IL1RAPL2: variants seen among roughly 807,000 people sequenced by gnomAD.
IL1RAPL2 encodes X-linked interleukin-1 receptor accessory protein-like 2.
IL1RAPL2 carries 3 observed loss-of-function variants against 44.1 expected under a neutral mutation model. That is an observed-to-expected ratio of 0.07 (90% CI 0.03 to 0.18). The LOEUF (loss-of-function observed/expected upper bound fraction) is 0.18. Among genes scored for constraint, IL1RAPL2 ranks in the 10% least tolerant of loss-of-function variants. The pLI is 1.00. For missense variants in IL1RAPL2, 391 were observed against 496.4 expected, an observed-to-expected ratio of 0.79 and a Z score of 2.02; for synonymous variants, 181 against 178.8, an observed-to-expected ratio of 1.01 and a Z score of -0.10.
intron 2 of IL1RAPL2, among the ~76,000 whole-genome samples, chrX:104,894,229 T>C (rs1386022429): frequency 8.9e-6 from 1 of 111,815 alleles, no homozygotes; most frequent in African/African-American, 3.3e-5. Context: ...TTTTCCTTCA[T>C]TTCAACTTTG....
At chrX:105,466,742 G>A (rs2036133002) in intron 5 of IL1RAPL2, among the ~76,000 whole-genome samples, 1 of 111,605 alleles carries the variant, frequency 9.0e-6, no homozygotes. Context: ...TGGTACCTTA[G>A]TCCATTTTCT....
intron 4 of IL1RAPL2, among the ~76,000 whole-genome samples, chrX:105,250,185 G>C (rs976443125): frequency 8.1e-5 from 9 of 111,094 alleles, no homozygotes; most frequent in Non-Finnish European, 1.7e-4. Flanking sequence ...AAGATCAGTG[G>C]TTGCCAAGGT....
rs183323624 is a variant in IL1RAPL2, at chrX:105,188,414, C to T, written c.83-7061C>T. Among the ~76,000 whole-genome samples, 3 of 111,690 alleles carry T rather than the reference C, an allele frequency of 2.7e-5. No individual in the cohort carries two copies. In the East Asian group the frequency reaches 8.5e-4, roughly 32 times the overall value. ...GGCTAGTGTCTAATTCCCAAGGAGA[C>T]TCATCAGGCCTCAGGAAATCAGAAG... On this transcript the variant is annotated intron_variant, in intron 2 of 10. Transcript: ENST00000372582.
At chrX:104,719,074 G>A (rs1180539870) in intron 2 of IL1RAPL2, among the ~76,000 whole-genome samples, 1 of 112,304 alleles carries the variant, frequency 8.9e-6, no homozygotes, top group African/African-American at 3.2e-5. Context: ...CAAAAGGTGA[G>A]CAAGAGCAGA....
intron 2 of IL1RAPL2, among the ~76,000 whole-genome samples, chrX:105,000,628 T>G (rs1302146074): frequency 8.9e-6 from 1 of 111,865 alleles, no homozygotes; most frequent in Non-Finnish European, 1.9e-5. Flanking sequence ...ATAATTGCAT[T>G]GACTAAAGTA....
At chrX:105,705,349 G>T (rs899425601) in intron 6 of IL1RAPL2, among the ~76,000 whole-genome samples, 18 of 111,501 alleles carry the variant, frequency 1.6e-4, no homozygotes, top group African/African-American at 5.9e-4. Flanking sequence ...GGAATTTGTT[G>T]TACAGTTTGT....
chrX:105,049,839 T>G (rs1402597866), intron 2 of IL1RAPL2, among the ~76,000 whole-genome samples: 3 of 111,156 alleles, frequency 2.7e-5, no homozygotes, highest in African/African-American at 9.8e-5. Flanking sequence ...CCAGTATTAA[T>G]TGGGGGGAAA....
chrX:105,281,040 T>C (rs921360923), intron 5 of IL1RAPL2, among the ~76,000 whole-genome samples: 2 of 111,651 alleles, frequency 1.8e-5, no homozygotes, highest in Non-Finnish European at 3.8e-5. Context: ...CCAGCAATGA[T>C]AGACTGGATA....
At chrX:104,802,565 A>G (rs749103034) in intron 2 of IL1RAPL2, among the ~76,000 whole-genome samples, 6 of 110,791 alleles carry the variant, frequency 5.4e-5, no homozygotes, top group Non-Finnish European at 1.1e-4. Flanking sequence ...CACAATTTTA[A>G]ATCATTTCAG....
intron 5 of IL1RAPL2, among the ~76,000 whole-genome samples, chrX:105,335,401 C>T (rs768432723): frequency 8.1e-5 from 9 of 111,154 alleles, no homozygotes; most frequent in Non-Finnish European, 1.7e-4. Context: ...AGACCCAGTC[C>T]TCAGTGGGTC....
intron 5 of IL1RAPL2, among the ~76,000 whole-genome samples, chrX:105,307,526 A>C (rs5962505): frequency 9.6e-5 from 4 of 41,846 alleles, no homozygotes; most frequent in Non-Finnish European, 1.2e-4. Flanking sequence ...TATATATTTT[A>C]TATTATATAT....
rs749131019 is a variant in IL1RAPL2, at chrX:105,661,903, C to CT, written c.773-55462dup. Among the ~76,000 whole-genome samples the CT allele has an allele frequency of 6.3e-3, 714 of 112,501 alleles. 11 individuals are homozygous for CT. Among genetic ancestry groups the CT allele is most frequent in the African/African-American group, 0.022 (684 of 31,037 alleles). The stretch of plus-strand genomic sequence containing the variant: ...TTCTTTTATTTACTAAAGATACGGA[C>CT]TTACTTTCAAAGTCTATTTTCTTCT... On this transcript the variant is annotated intron_variant, in intron 6 of 10. Coordinates refer to ENST00000372582, the MANE Select transcript of IL1RAPL2 (RefSeq NM_017416.2).
chrX:105,533,537 C>A (rs2036655325), intron 6 of IL1RAPL2, among the ~76,000 whole-genome samples: 1 of 112,068 alleles, frequency 8.9e-6, no homozygotes, highest in Non-Finnish European at 1.9e-5. Context: ...ACTACCACCA[C>A]AATCAAGGTA....
chrX:104,664,124 G>C (rs1208750966), intron 2 of IL1RAPL2, among the ~76,000 whole-genome samples: 1 of 111,341 alleles, frequency 9.0e-6, no homozygotes, highest in Non-Finnish European at 1.9e-5. Context: ...CATTTCTGGA[G>C]TTTTAGCTGG....
intron 7 of IL1RAPL2, among the ~76,000 whole-genome samples, chrX:105,721,777 G>A (rs984991629): frequency 2.8e-4 from 31 of 111,917 alleles, no homozygotes; most frequent in African/African-American, 9.7e-4. Flanking sequence ...GTTACATCCT[G>A]TTTCTCCACC....
chrX:104,675,033 T>C (rs1216046731), intron 2 of IL1RAPL2, among the ~76,000 whole-genome samples: 2 of 111,225 alleles, frequency 1.8e-5, no homozygotes, highest in East Asian at 2.8e-4. Flanking sequence ...ATTTTGTTGA[T>C]CCTTTCAAAA....
At chrX:104,968,635 C>G (rs1281452312) in intron 2 of IL1RAPL2, among the ~76,000 whole-genome samples, 1 of 111,014 alleles carries the variant, frequency 9.0e-6, no homozygotes, top group Non-Finnish European at 1.9e-5. Context: ...CATAGAAAAC[C>G]TGAGATAATC....
At chrX:104,737,657 T>G (rs1435690544) in intron 2 of IL1RAPL2, among the ~76,000 whole-genome samples, 1 of 111,845 alleles carries the variant, frequency 8.9e-6, no homozygotes, top group Admixed American at 9.5e-5. Context: ...AGGTAAACAT[T>G]CAAGACCTGT....
intron 5 of IL1RAPL2, among the ~76,000 whole-genome samples, chrX:105,397,895 A>G (rs2035575722): frequency 9.2e-6 from 1 of 109,239 alleles, no homozygotes; most frequent in African/African-American, 3.3e-5. Flanking sequence ...TTTTTCCCCA[A>G]TTTTCCATCC....
Sources: allele counts gnomAD v4.1 joint callset (sites outside exome capture counted in the v4.1 genomes callset), GRCh38; gene constraint gnomAD v4.1.1; transcripts MANE v1.5; gene names NCBI Gene and HGNC (gene_info 2026-07-23, HGNC 2026-07-21).